GALNT9: variants seen among roughly 807,000 people sequenced by gnomAD.
GALNT9 encodes polypeptide N-acetylgalactosaminyltransferase 9.
Under a neutral mutation model 63.1 loss-of-function variants are expected in GALNT9, and 47 were observed. That is an observed-to-expected ratio of 0.75 (90% confidence interval 0.59 to 0.95). The LOEUF (loss-of-function observed/expected upper bound fraction) is 0.95, where lower values mean the gene tolerates loss of function less well. Among genes scored for constraint, GALNT9 ranks in the 40% least tolerant of loss-of-function variants. The probability of loss-of-function intolerance (pLI) is 0.00; values close to 1 mark genes in which losing one functional copy is unlikely to be tolerated. For synonymous variants in GALNT9, 396 were observed against 365.7 expected (o/e 1.08, Z -0.94); for missense variants, 829 against 874.8 (o/e 0.95, Z 0.66).
intron 3 of GALNT9, 49 bp from the exon 4 acceptor site, chr12:132,261,171 G>A (rs1879369941): frequency 6.5e-7 from 1 of 1,541,526 alleles, no homozygotes; most frequent in South Asian, 1.2e-5. Context: ...GGCAGGCGCG[G>A]GGCCACCAAG....
At position 132,240,811 on chromosome 12, in the gene GALNT9, C is replaced by A. The variant is rs1408267332; in HGVS notation, c.1077+7099G>T. The A allele has an allele frequency of 1.9e-5, 8 of 424,342 alleles. 1 individual carries two copies. The East Asian group carries it at 2.2e-4, about 12-fold the overall frequency. 26.3% of individuals were successfully genotyped at this position (424,342 alleles called of 1,614,324 possible). Reference sequence around the variant, plus strand: ...ACATGTTTACACACATGCCACACACCCTTCCCAAGGCCGTCCCTATACCCA... The same window carrying A: ...ACATGTTTACACACATGCCACACACACTTCCCAAGGCCGTCCCTATACCCA... On this transcript the variant is annotated intron_variant, in intron 6 of 10. Transcript: ENST00000328957.
intron 6 of GALNT9, among the ~76,000 whole-genome samples, chr12:132,215,693 C>T (rs1877153688): frequency 6.6e-6 from 1 of 152,230 alleles, no homozygotes; most frequent in Admixed American, 6.5e-5. Context: ...TCCCACGAGG[C>T]CGGGCTGGCA....
chr12:132,268,264 C>T (rs1325519113), intron 2 of GALNT9, among the ~76,000 whole-genome samples: 1 of 152,026 alleles, frequency 6.6e-6, no homozygotes, highest in Non-Finnish European at 1.5e-5. Flanking sequence ...TGGACACCCA[C>T]CCCTACACAC....
At chr12:132,287,922 G>A (rs1245998202) in intron 1 of GALNT9, among the ~76,000 whole-genome samples, 8 of 152,186 alleles carry the variant, frequency 5.3e-5, no homozygotes, top group Non-Finnish European at 7.3e-5. Context: ...ATTTGGGGGC[G>A]GGTGCCTGGG....
chr12:132,248,117 C>G (rs1878785913), intron 5 of GALNT9, 90 bp from the exon 6 acceptor site: 1 of 1,472,542 alleles, frequency 6.8e-7, no homozygotes, highest in African/African-American at 1.4e-5. Flanking sequence ...CTGGAAGACC[C>G]CACCACCCCT....
intron 6 of GALNT9, among the ~76,000 whole-genome samples, chr12:132,239,992 G>A (rs1878181228): frequency 6.6e-6 from 1 of 152,078 alleles, no homozygotes; most frequent in African/African-American, 2.4e-5. Context: ...GGAGAGGAGT[G>A]ATCAGAGGTG....
chr12:132,329,356 C>A lies in GALNT9; in HGVS notation c.-153G>T, dbSNP rs1448417467. The A allele has an allele frequency of 3.4e-6, 4 of 1,181,996 alleles. No individual in the cohort carries two copies. Among genetic ancestry groups the A allele is most frequent in the African/African-American group, 1.6e-5 (1 of 61,768 alleles). 73.2% of individuals were successfully genotyped at this position (1,181,996 alleles called of 1,614,324 possible). ...AGCTGTCCCTTCAGCACCAGCTCAG[C>A]GCGCCGGGCCACGGCCGCCGGGGGT... On this transcript the variant is annotated 5_prime_UTR_variant, in exon 1 of 11. Transcript: ENST00000328957.
intron 2 of GALNT9, among the ~76,000 whole-genome samples, chr12:132,264,651 G>A (rs1879531491): frequency 6.6e-6 from 1 of 152,216 alleles, no homozygotes; most frequent in Non-Finnish European, 1.5e-5. Flanking sequence ...GTCTTCCCAG[G>A]ACACGCAGGA....
intron 2 of GALNT9, among the ~76,000 whole-genome samples, chr12:132,284,817 C>A (rs542194335): frequency 7.3e-4 from 111 of 152,322 alleles, no homozygotes; most frequent in African/African-American, 2.5e-3. Context: ...TGGGCCCCAC[C>A]TGGCTAGAAC....
intron 6 of GALNT9, among the ~76,000 whole-genome samples, chr12:132,214,145 G>A (rs770014809): frequency 3.3e-5 from 5 of 152,186 alleles, no homozygotes; most frequent in East Asian, 1.9e-4. Context: ...AGAGAGAGCC[G>A]ATTCCGGGGT....
At chr12:132,317,235 GA>G (rs35707637) in intron 1 of GALNT9, among the ~76,000 whole-genome samples, 56,374 of 150,962 alleles carry the variant, frequency 0.37, 10,689 homozygotes, top group East Asian at 0.51. Context: ...AGACTCCACA[GA>G]GCAGGGCCTG....
At chr12:132,239,825 G>C (rs1593076537) in intron 6 of GALNT9, among the ~76,000 whole-genome samples, 3 of 152,142 alleles carry the variant, frequency 2.0e-5, no homozygotes, top group Non-Finnish European at 4.4e-5. Flanking sequence ...GACACAGAAA[G>C]ACTGAGAGAG....
At chr12:132,321,208 C>T (rs1178709038) in intron 1 of GALNT9, among the ~76,000 whole-genome samples, 1 of 28,130 alleles carries the variant, frequency 3.6e-5, no homozygotes, top group Non-Finnish European at 6.8e-5. Flanking sequence ...GGTCCAGAGT[C>T]GAGGCCCCTG....
intron 6 of GALNT9, among the ~76,000 whole-genome samples, chr12:132,204,624 T>A (rs1876515855): frequency 6.6e-6 from 1 of 152,104 alleles, no homozygotes; most frequent in African/African-American, 2.4e-5. Flanking sequence ...TCAGCCCCCG[T>A]AACCGGGTGA....
At chr12:132,311,035 A>C (rs1331284858) in intron 1 of GALNT9, among the ~76,000 whole-genome samples, 3 of 152,202 alleles carry the variant, frequency 2.0e-5, no homozygotes, top group African/African-American at 4.8e-5. Flanking sequence ...GAGCCAGACC[A>C]ACCTGCCTCC....
At chr12:132,213,013 C>A (rs535316704) in intron 6 of GALNT9, among the ~76,000 whole-genome samples, 1 of 148,120 alleles carries the variant, frequency 6.8e-6, no homozygotes. Flanking sequence ...CACGGAAACC[C>A]CACCCGAGTC....
chr12:132,218,153 T>C (rs566043213), intron 6 of GALNT9, among the ~76,000 whole-genome samples: 60 of 152,302 alleles, frequency 3.9e-4, no homozygotes, highest in Non-Finnish European at 6.6e-4. Context: ...CACTCATCCA[T>C]CCACCCATCT....
In GALNT9 at chr12:132,319,963, G is replaced by A. The variant is rs1009251337; in HGVS notation, c.238+9003C>T. ...TCCTAAGGAAAAGGGGGCGGCCAGC[G>A]GCCCCCACCGCTGGGTCACGCTATC... is the stretch of plus-strand genomic sequence containing the variant. On this transcript the variant is annotated intron_variant, in intron 1 of 10. Transcript: ENST00000328957. This position sits in a 1 kb window ranked among gnomAD's most constrained non-coding sequence, Gnocchi z 5.2. 3.9e-5 allele frequency among the ~76,000 whole-genome samples: 6 copies of A among 152,180 alleles called. No homozygotes were observed. Among genetic ancestry groups the A allele is most frequent in the South Asian group, 2.1e-4 (1 of 4,834 alleles).
intron 7 of GALNT9, among the ~76,000 whole-genome samples, chr12:132,201,600 T>C (rs1157432972): frequency 1.3e-5 from 2 of 152,074 alleles, no homozygotes; most frequent in Non-Finnish European, 2.9e-5. Flanking sequence ...CTGCACGGCA[T>C]CAGCCTGACC....
Sources: allele counts gnomAD v4.1 joint callset (sites outside exome capture counted in the v4.1 genomes callset), GRCh38; gene constraint gnomAD v4.1.1; non-coding constraint Gnocchi (gnomAD v3.1); transcripts MANE v1.5; gene names NCBI Gene and HGNC (gene_info 2026-07-23, HGNC 2026-07-21).